PCDHGA3: variants seen among roughly 807,000 people sequenced by gnomAD.
PCDHGA3 encodes protocadherin gamma-A3.
PCDHGA3 carries 40 observed loss-of-function variants against 58.5 expected under a neutral mutation model. The ratio of observed to expected loss-of-function variants is 0.68; its 90% confidence interval spans 0.53 to 0.89. PCDHGA3 has a LOEUF of 0.89. Among genes scored for constraint, PCDHGA3 ranks in the 40% least tolerant of loss-of-function variants. PCDHGA3 has a pLI of 0.00. For missense variants in PCDHGA3, 1,223 were observed against 1,195.9 expected, an observed-to-expected ratio of 1.02 and a Z score of -0.33; for synonymous variants, 530 against 525.7, an observed-to-expected ratio of 1.01 and a Z score of -0.11.
chr5:141,377,014 G>T (rs1457623527), intron 1 of PCDHGA3: 1 of 155,140 alleles, frequency 6.4e-6, no homozygotes, highest in African/African-American at 2.4e-5. Flanking sequence ...TGGTTGACAG[G>T]AAAATTCAAG....
intron 1 of PCDHGA3, among the ~76,000 whole-genome samples, chr5:141,475,364 G>C (rs2099362607): frequency 6.6e-6 from 1 of 152,200 alleles, no homozygotes; most frequent in Admixed American, 6.5e-5. Flanking sequence ...AATAAAATCT[G>C]AATTGTACTT....
At chr5:141,366,924 G>T in intron 1 of PCDHGA3, 1 of 997,638 alleles carries the variant, frequency 1.0e-6, no homozygotes, top group Non-Finnish European at 1.4e-6. Flanking sequence ...TTCAAATTCT[G>T]TTTTGGGAAG....
chr5:141,383,360 T>A (rs1319923403), intron 1 of PCDHGA3: 1 of 1,613,888 alleles, frequency 6.2e-7, no homozygotes, highest in Non-Finnish European at 8.5e-7. Flanking sequence ...CGGTTTCCGT[T>A]AAGCGAGGCT....
At position 141,489,481 on chromosome 5, in the gene PCDHGA3, A is replaced by C; in HGVS notation, c.2425-5326A>C. 6.2e-7 allele frequency: 1 copy of C among 1,614,040 alleles called. No homozygotes were observed. The highest frequency in any genetic ancestry group is 8.5e-7 in the Non-Finnish European group (1 of 1,180,004). ...GCGCTATTTTTCCCTGAGCTTGATG[A>C]GTGGTGCCCTGGCAGTGAATCAAAA... is the stretch of plus-strand genomic sequence containing the variant. On this transcript the variant is annotated intron_variant, in intron 1 of 3. Transcript: ENST00000253812. The surrounding 1 kb of genome is among the most constrained non-coding windows in gnomAD (Gnocchi z 4.5).
At chr5:141,488,546 G>A (rs2099676755) in intron 1 of PCDHGA3, among the ~76,000 whole-genome samples, 1 of 152,188 alleles carries the variant, frequency 6.6e-6, no homozygotes, top group African/African-American at 2.4e-5. Context: ...TCCCATGTCA[G>A]CTGACATTGA....
At chr5:141,505,123 C>T (rs1320836386) in intron 2 of PCDHGA3, among the ~76,000 whole-genome samples, 1 of 152,192 alleles carries the variant, frequency 6.6e-6, no homozygotes, top group African/African-American at 2.4e-5. Flanking sequence ...GATCGCGCCA[C>T]TGCACTCCAG....
At chr5:141,364,424 C>T (rs1029173533) in intron 1 of PCDHGA3, 1 of 1,613,570 alleles carries the variant, frequency 6.2e-7, no homozygotes, top group Non-Finnish European at 8.5e-7. Context: ...CGGGCAGATC[C>T]GCTACTCGAT....
chr5:141,371,872 C>A, intron 1 of PCDHGA3: 1 of 1,613,534 alleles, frequency 6.2e-7, no homozygotes, highest in Non-Finnish European at 8.5e-7. Context: ...TACATCGTGG[C>A]CAGTGACCTG....
chr5:141,354,903 T>G, intron 1 of PCDHGA3: 1 of 399,854 alleles, frequency 2.5e-6, no homozygotes, highest in Non-Finnish European at 4.4e-6. Context: ...GAAATAGGAA[T>G]AGAAAAGTGT....
intron 1 of PCDHGA3, chr5:141,350,025 G>C (rs990697407): frequency 2.7e-6 from 1 of 371,730 alleles, no homozygotes; most frequent in Non-Finnish European, 4.8e-6. Context: ...AGTTTTCCAA[G>C]ACAACCTCTG....
chr5:141,422,785 T>C, intron 1 of PCDHGA3: 1 of 1,614,146 alleles, frequency 6.2e-7, no homozygotes, highest in Non-Finnish European at 8.5e-7. Flanking sequence ...TGCCCTACAA[T>C]CCTTCGACTA....
chr5:141,431,617 C>A lies in PCDHGA3; in HGVS notation c.2425-63190C>A. ...GGTATTCCTTCCGGTATGTGGACGA[C>A]AAGGCGGCCCAAGTTTTCAAACTAG... On this transcript the variant is annotated intron_variant, in intron 1 of 3. Coordinates refer to ENST00000253812, the MANE Select transcript of PCDHGA3 (RefSeq NM_018916.4). This position sits in a 1 kb window ranked among gnomAD's most constrained non-coding sequence, Gnocchi z 4.8. 6.2e-7 allele frequency: 1 copy of A among 1,614,236 alleles called. No homozygotes were observed. Among genetic ancestry groups the A allele is most frequent in the Non-Finnish European group, 8.5e-7 (1 of 1,180,044 alleles).
chr5:141,418,730 G>GT, intron 1 of PCDHGA3: 1 of 1,613,952 alleles, frequency 6.2e-7, no homozygotes, highest in Non-Finnish European at 8.5e-7. Context: ...AGCTCAGCAC[G>GT]TGTTCTCTCT....
chr5:141,392,570 AG>A (rs1561637414), intron 1 of PCDHGA3: 1 of 443,018 alleles, frequency 2.3e-6, no homozygotes, highest in East Asian at 3.6e-5. Context: ...GTAACTATTT[AG>A]GACTGTAAGC....
intron 1 of PCDHGA3, among the ~76,000 whole-genome samples, chr5:141,438,615 T>C (rs566173071): frequency 5.6e-5 from 2 of 35,920 alleles, no homozygotes; most frequent in Admixed American, 4.1e-4. Flanking sequence ...TATATATATA[T>C]ATATATATAT....
intron 1 of PCDHGA3, among the ~76,000 whole-genome samples, chr5:141,463,990 G>A (rs2099073582): frequency 6.6e-6 from 1 of 151,990 alleles, no homozygotes; most frequent in Non-Finnish European, 1.5e-5. Flanking sequence ...TAAAAACCAG[G>A]TGCAGTGGCT....
intron 1 of PCDHGA3, chr5:141,399,703 C>T: frequency 1.2e-6 from 2 of 1,613,474 alleles, no homozygotes; most frequent in African/African-American, 1.3e-5. Flanking sequence ...CACCTTCGAA[C>T]TCACACTACA....
At chr5:141,415,056 G>C in intron 1 of PCDHGA3, 2 of 1,613,416 alleles carry the variant, frequency 1.2e-6, no homozygotes, top group Non-Finnish European at 1.7e-6. Flanking sequence ...GGGAGCACAC[G>C]GGCGAGGTGC....
intron 1 of PCDHGA3, chr5:141,422,466 G>T: frequency 1.2e-6 from 2 of 1,613,528 alleles, no homozygotes; most frequent in Non-Finnish European, 1.7e-6. Flanking sequence ...TGCTGGACAG[G>T]GAGTTGGTCC....
Sources: gnomAD v4.1 joint callset for allele counts (sites outside exome capture counted in the v4.1 genomes callset) on GRCh38, gnomAD v4.1.1 for gene constraint, Gnocchi (gnomAD v3.1) non-coding constraint, MANE v1.5 for transcripts, NCBI Gene and HGNC (gene_info 2026-07-23, HGNC 2026-07-21) for gene names.